EYS: variants seen among roughly 807,000 people sequenced by gnomAD.
The protein encoded by EYS is EGF-like photoreceptor maintenance factor, also known as protein eyes shut homolog.
A neutral mutation model predicts 282.1 loss-of-function variants in EYS; 250 were observed. The observed-to-expected ratio is 0.89, with a 90% CI of 0.80 to 0.98. The LOEUF (loss-of-function observed/expected upper bound fraction) is 0.98, where lower values mean the gene tolerates loss of function less well. Among genes scored for constraint, EYS ranks in the 50% least tolerant of loss-of-function variants. EYS has a pLI of 0.00. For missense variants in EYS, 4,016 were observed against 3,709.0 expected, an observed-to-expected ratio of 1.08 and a Z score of -2.15; for synonymous variants, 1,355 against 1,282.9, an observed-to-expected ratio of 1.06 and a Z score of -1.20.
At chr6:64,748,395 G>A (rs1772628486) in intron 22 of EYS, among the ~76,000 whole-genome samples, 1 of 152,124 alleles carries the variant, frequency 6.6e-6, no homozygotes, top group South Asian at 2.1e-4. Context: ...CCTCAGATTG[G>A]GCATTAGATT....
chr6:65,130,829 C>G (rs779766266), intron 12 of EYS, among the ~76,000 whole-genome samples: 6 of 150,048 alleles, frequency 4.0e-5, no homozygotes, highest in Non-Finnish European at 8.9e-5. Context: ...AGTACATCCC[C>G]ATAAAGACTA....
intron 8 of EYS, among the ~76,000 whole-genome samples, chr6:65,376,221 T>A (rs564275529): frequency 6.6e-6 from 1 of 152,254 alleles, no homozygotes; most frequent in Admixed American, 6.5e-5. Flanking sequence ...TGCCCAATAG[T>A]CAACAATCTT....
intron 29 of EYS, among the ~76,000 whole-genome samples, chr6:64,387,394 T>TGAG (rs1439238970): frequency 6.6e-5 from 10 of 152,128 alleles, no homozygotes; most frequent in Non-Finnish European, 1.3e-4. Context: ...CTAATTGAGT[T>TGAG]GAGATATTAC....
At chr6:64,111,491 A>G (rs1248518998) in intron 31 of EYS, among the ~76,000 whole-genome samples, 2 of 152,034 alleles carry the variant, frequency 1.3e-5, no homozygotes, top group East Asian at 3.9e-4. Flanking sequence ...TTGCCATCTG[A>G]GGGCAACAAT....
chr6:64,254,912 A>T (rs1337316118), intron 30 of EYS, among the ~76,000 whole-genome samples: 2 of 152,140 alleles, frequency 1.3e-5, no homozygotes, highest in African/African-American at 4.8e-5. Flanking sequence ...GAGGGGAAGG[A>T]CGAAGTTTTG....
intron 31 of EYS, among the ~76,000 whole-genome samples, chr6:64,189,441 C>T (rs192460814): frequency 1.6e-4 from 24 of 152,318 alleles, no homozygotes; most frequent in Non-Finnish European, 2.6e-4. Context: ...TGGAAAACAG[C>T]CATGTTCATT....
chr6:64,150,691 C>T (rs1774672919), intron 31 of EYS, among the ~76,000 whole-genome samples: 2 of 149,984 alleles, frequency 1.3e-5, no homozygotes, highest in African/African-American at 2.5e-5. Flanking sequence ...AAGCGTTAAA[C>T]ATATAAAAAA....
At chr6:65,005,657 A>C (rs1771622795) in intron 13 of EYS, among the ~76,000 whole-genome samples, 1 of 147,648 alleles carries the variant, frequency 6.8e-6, no homozygotes, top group African/African-American at 2.4e-5. Context: ...GTGTGAGGCT[A>C]TCTGGGGAAG....
At chr6:65,493,815 A>G (rs185282226) in intron 4 of EYS, among the ~76,000 whole-genome samples, 1 of 152,232 alleles carries the variant, frequency 6.6e-6, no homozygotes, top group East Asian at 1.9e-4. Context: ...CCTTGTCACT[A>G]TCAGTTATAA....
At chr6:63,981,563 T>C (rs1767094070) in intron 35 of EYS, among the ~76,000 whole-genome samples, 1 of 151,798 alleles carries the variant, frequency 6.6e-6, no homozygotes, top group Non-Finnish European at 1.5e-5. Context: ...TCATAAGATG[T>C]GAAGAAGTGT....
chr6:64,841,047 TA>T (rs1377151410), intron 19 of EYS, among the ~76,000 whole-genome samples: 1 of 151,384 alleles, frequency 6.6e-6, no homozygotes, highest in Non-Finnish European at 1.5e-5. Context: ...GCTTTTTAAA[TA>T]TTTTTTTCTA....
At chr6:65,369,063 GTTA>G (rs1429088409) in intron 8 of EYS, among the ~76,000 whole-genome samples, 3 of 150,806 alleles carry the variant, frequency 2.0e-5, no homozygotes, top group African/African-American at 7.3e-5. Flanking sequence ...CAAGCTCTCT[GTTA>G]TTATCACACA....
intron 5 of EYS, among the ~76,000 whole-genome samples, chr6:65,476,266 C>T (rs1653454212): frequency 1.3e-5 from 2 of 152,022 alleles, no homozygotes; most frequent in African/African-American, 4.8e-5. Context: ...GCTCTAATTT[C>T]AATTATACCC....
At chr6:65,597,468 G>A (rs184896225) in intron 2 of EYS, among the ~76,000 whole-genome samples, 78 of 152,132 alleles carry the variant, frequency 5.1e-4, no homozygotes, top group African/African-American at 1.8e-3. Context: ...GACAGTGCAG[G>A]CTTTTACTAA....
At chr6:63,795,120 A>G (rs148442753) in intron 37 of EYS, among the ~76,000 whole-genome samples, 9 of 152,258 alleles carry the variant, frequency 5.9e-5, no homozygotes, top group African/African-American at 2.2e-4. Context: ...AGTCATAACA[A>G]CTCCATCAGC....
At chr6:64,902,924 CT>C (rs1181288242) in intron 16 of EYS, among the ~76,000 whole-genome samples, 1 of 151,902 alleles carries the variant, frequency 6.6e-6, no homozygotes, top group African/African-American at 2.4e-5. Flanking sequence ...TATTTAATTG[CT>C]TTTTATATCC....
At chr6:65,449,287 G>A (rs1226584191) in intron 5 of EYS, among the ~76,000 whole-genome samples, 2 of 151,980 alleles carry the variant, frequency 1.3e-5, no homozygotes, top group Non-Finnish European at 2.9e-5. Flanking sequence ...TAGCATAGAC[G>A]GCCAGTCATA....
At chr6:64,426,475 G>C (rs116022918) in intron 28 of EYS, among the ~76,000 whole-genome samples, 2,237 of 152,128 alleles carry the variant, frequency 0.015, 21 homozygotes, top group Middle Eastern at 0.024. Flanking sequence ...ACTTTGAAGA[G>C]GAACAGAATC....
chr6:63,776,284 A>C (rs947177572), intron 40 of EYS, among the ~76,000 whole-genome samples: 3 of 152,198 alleles, frequency 2.0e-5, no homozygotes, highest in Non-Finnish European at 4.4e-5. Context: ...CAGTAAATAA[A>C]GAGCGACTTA....
Sources: allele counts gnomAD v4.1 joint callset (sites outside exome capture counted in the v4.1 genomes callset), GRCh38; gene constraint gnomAD v4.1.1; transcripts MANE v1.5; gene names NCBI Gene and HGNC (gene_info 2026-07-23, HGNC 2026-07-21).